Variants in IQCH observed in about 807,000 individuals in gnomAD.
The protein encoded by IQCH is IQ domain-containing protein H.
Under a neutral mutation model 117.0 loss-of-function variants are expected in IQCH, and 98 were observed. The observed-to-expected ratio is 0.84, with a 90% CI of 0.71 to 0.99. The LOEUF (loss-of-function observed/expected upper bound fraction) is 0.99, where lower values mean the gene tolerates loss of function less well. Ranked by LOEUF, IQCH falls within the 50% of genes least tolerant of loss-of-function variation. The probability of loss-of-function intolerance (pLI) is 0.00; values close to 1 mark genes in which losing one functional copy is unlikely to be tolerated. For synonymous variants in IQCH, 412 were observed against 448.2 expected (o/e 0.92, Z 1.02); for missense variants, 1,102 against 1,243.8 (o/e 0.89, Z 1.72).
intron 18 of IQCH, among the ~76,000 whole-genome samples, chr15:67,477,746 C>T (rs1483991890): frequency 6.6e-6 from 1 of 152,096 alleles, no homozygotes; most frequent in African/African-American, 2.4e-5. Flanking sequence ...TCTAAAATAT[C>T]AAAGTAGAAC....
chr15:67,339,516 AG>A (rs1969046485), intron 5 of IQCH, among the ~76,000 whole-genome samples: 2 of 152,200 alleles, frequency 1.3e-5, no homozygotes, highest in African/African-American at 4.8e-5. Context: ...TCATGTCTAT[AG>A]ATAAGAATTA....
At position 67,423,587 on chromosome 15, in the gene IQCH, CAAAAAA is replaced by C. The variant is rs551556730; in HGVS notation, c.2505+2021_2505+2026del. ...TGGGTGACAGAGTGAGAACCTGTCT[CAAAAAA>C]AAAAAAAAAAGAAAGAAAAGAAAAA... On this transcript the variant is annotated intron_variant, in intron 16 of 20. Transcript: ENST00000335894. 5.2e-5 allele frequency among the ~76,000 whole-genome samples: 4 copies of C among 76,764 alleles called. No homozygotes were observed. The South Asian group carries it at 1.6e-3, about 30-fold the overall frequency. 50.4% of individuals were successfully genotyped at this position (76,764 alleles called of 152,430 possible).
At chr15:67,278,325 G>C (rs775250726) in intron 3 of IQCH, among the ~76,000 whole-genome samples, 20 of 152,182 alleles carry the variant, frequency 1.3e-4, no homozygotes, top group Non-Finnish European at 2.6e-4. Context: ...TGGGGCTCTT[G>C]GAGGCAAAAC....
intron 6 of IQCH, among the ~76,000 whole-genome samples, chr15:67,353,864 G>A (rs1969775849): frequency 6.6e-6 from 1 of 152,054 alleles, no homozygotes; most frequent in African/African-American, 2.4e-5. Flanking sequence ...CTAGAAAAAT[G>A]TGAACTACCA....
chr15:67,424,014 C>G lies in IQCH; in HGVS notation c.2505+2437C>G, dbSNP rs2081821128. Among the ~76,000 whole-genome samples the G allele has an allele frequency of 1.3e-5, 2 of 152,150 alleles. No individual in the cohort carries two copies. Among genetic ancestry groups the G allele is most frequent in the South Asian group, 4.1e-4 (2 of 4,824 alleles). ...TATAAGGAAACTTGCACACAGCAGTCAAAAGGATCTTCTCCAAACACGATG... is the reference window on the plus strand; with the variant it reads ...TATAAGGAAACTTGCACACAGCAGTGAAAAGGATCTTCTCCAAACACGATG... On this transcript the variant is annotated intron_variant, in intron 16 of 20. Transcript: ENST00000335894. This position sits in a 1 kb window ranked among gnomAD's most constrained non-coding sequence, Gnocchi z 4.9.
chr15:67,273,389 C>A (rs1224317615), intron 3 of IQCH, among the ~76,000 whole-genome samples: 1 of 152,084 alleles, frequency 6.6e-6, no homozygotes, highest in African/African-American at 2.4e-5. Context: ...ATGCCCAGCC[C>A]ATTGCTTTTT....
rs931008190 is a variant in IQCH, at chr15:67,454,351, C to T, written c.2506-10776C>T. 6.6e-6 allele frequency among the ~76,000 whole-genome samples: 1 copy of T among 152,190 alleles called. No homozygotes were observed. On this transcript the variant is annotated intron_variant, in intron 16 of 20. Coordinates refer to ENST00000335894, the MANE Select transcript of IQCH (RefSeq NM_001031715.3). This position sits in a 1 kb window ranked among gnomAD's most constrained non-coding sequence, Gnocchi z 5.2. ...CTGGGAGCTGTAGACCGGAGCTGTT[C>T]GTATTCGGCCATCTTGGCTCTGGTC...
intron 14 of IQCH, among the ~76,000 whole-genome samples, chr15:67,410,387 CT>C (rs2140891507): frequency 6.6e-6 from 1 of 152,328 alleles, no homozygotes; most frequent in African/African-American, 2.4e-5. Context: ...CTTCTGTATA[CT>C]ACACTCCATT....
chr15:67,261,182 C>G (rs952008527), intron 1 of IQCH, 90 bp from the exon 2 acceptor site: 1 of 851,342 alleles, frequency 1.2e-6, no homozygotes, highest in Non-Finnish European at 1.7e-6. Flanking sequence ...TCTACCAATT[C>G]AAGTACATTG....
chr15:67,314,993 C>T (rs143014578), intron 4 of IQCH, among the ~76,000 whole-genome samples: 1 of 152,228 alleles, frequency 6.6e-6, no homozygotes, highest in East Asian at 1.9e-4. Context: ...CAACTTAGAG[C>T]CCATTAGTCT....
At chr15:67,264,099 C>CAGT (rs1398023455) in intron 3 of IQCH, among the ~76,000 whole-genome samples, 1 of 152,212 alleles carries the variant, frequency 6.6e-6, no homozygotes, top group Admixed American at 6.5e-5. Flanking sequence ...TTTGGGTGTA[C>CAGT]ATTGGACCTG....
intron 16 of IQCH, among the ~76,000 whole-genome samples, chr15:67,452,874 GA>G (rs1472664033): frequency 6.6e-6 from 1 of 152,176 alleles, no homozygotes; most frequent in African/African-American, 2.4e-5. Context: ...ATCAGACGTA[GA>G]TTTGGTCTTT....
rs2082707200 is a variant in IQCH, at chr15:67,458,350, A to G, written c.2506-6777A>G. On this transcript the variant is annotated intron_variant, in intron 16 of 20. Transcript: ENST00000335894. The surrounding 1 kb of genome is among the most constrained non-coding windows in gnomAD (Gnocchi z 4.1). ...TCTCATACTGCACATCCAATCCATC[A>G]ATAAGTCCTTTTAGTTCTACTTTTG... Among the ~76,000 whole-genome samples the G allele has an allele frequency of 6.6e-6, 1 of 152,204 alleles. No homozygotes were observed. Among genetic ancestry groups the G allele is most frequent in the South Asian group, 2.1e-4 (1 of 4,832 alleles).
In IQCH at chr15:67,413,446, T is replaced by C. The variant is rs973571397; in HGVS notation, c.2098-3485T>C. 8 of 152,230 alleles carry C rather than the reference T, an allele frequency of 5.3e-5. No individual in the cohort carries two copies. The highest frequency in any genetic ancestry group is 1.7e-4 in the African/African-American group (7 of 41,552). The allele number at this position is 152,230 out of a possible 1,614,324, so 9.4% of individuals were successfully genotyped here. The stretch of plus-strand genomic sequence containing the variant: ...AACCAGACTGTAAAGGGTTGTTTTG[T>C]TGGGGGGATAAAATAAAATGAAGCT... On this transcript the variant is annotated intron_variant, in intron 14 of 20. Coordinates refer to ENST00000335894, the MANE Select transcript of IQCH (RefSeq NM_001031715.3). This position sits in a 1 kb window ranked among gnomAD's most constrained non-coding sequence, Gnocchi z 5.0.
At position 67,494,697 on chromosome 15, in the gene IQCH, G is replaced by A. The variant is rs1596499088; in HGVS notation, c.2970+331G>A. ...AGAGATCGTCACAACCAAAAATTGC[G>A]AATGTTATCTATCTATATTCCAGAT... is the stretch of plus-strand genomic sequence containing the variant. On this transcript the variant is annotated intron_variant, in intron 20 of 20. Coordinates refer to ENST00000335894, the MANE Select transcript of IQCH (RefSeq NM_001031715.3). The surrounding 1 kb of genome is among the most constrained non-coding windows in gnomAD (Gnocchi z 5.5). 6.6e-6 allele frequency among the ~76,000 whole-genome samples: 1 copy of A among 152,120 alleles called. No homozygotes were observed. Among genetic ancestry groups the A allele is most frequent in the African/African-American group, 2.4e-5 (1 of 41,420 alleles).
At chr15:67,334,927 A>G (rs993123305) in intron 4 of IQCH, among the ~76,000 whole-genome samples, 1 of 152,220 alleles carries the variant, frequency 6.6e-6, no homozygotes, top group Non-Finnish European at 1.5e-5. Context: ...CCAACCAAGC[A>G]TACGCAGAAG....
At chr15:67,324,626 A>AG (rs938207773) in intron 4 of IQCH, among the ~76,000 whole-genome samples, 8 of 151,584 alleles carry the variant, frequency 5.3e-5, no homozygotes, top group Admixed American at 3.9e-4. Flanking sequence ...AAAAAAAAAA[A>AG]AAGAAGTCAA....
chr15:67,372,605 G>A lies in IQCH; in HGVS notation c.1248G>A (p.Lys416=), dbSNP rs1970585789. 2 of 1,613,688 alleles carry A rather than the reference G, an allele frequency of 1.2e-6. No homozygotes were observed. Among genetic ancestry groups the A allele is most frequent in the Non-Finnish European group, 1.7e-6 (2 of 1,179,918 alleles). ...WLLYCHKTRL[K]KILKESRQRH... The stretch of plus-strand genomic sequence containing the variant: ...TATATTGCCATAAGACTCGACTAAA[G>A]AAGATACTAAAGGAATCACGTCAGA... The change falls in exon 9 of 21, where the codon AAG becomes AAA. Residue 416 remains lysine, a synonymous_variant. Coordinates refer to ENST00000335894, the MANE Select transcript of IQCH (RefSeq NM_001031715.3).
At chr15:67,262,589 A>G (rs1453716477) in intron 2 of IQCH, among the ~76,000 whole-genome samples, 1 of 152,212 alleles carries the variant, frequency 6.6e-6, no homozygotes, top group Non-Finnish European at 1.5e-5. Context: ...TCCCTGTAAA[A>G]AAAAGACATT....
Sources: allele counts gnomAD v4.1 joint callset (sites outside exome capture counted in the v4.1 genomes callset), GRCh38; gene constraint gnomAD v4.1.1; non-coding constraint Gnocchi (gnomAD v3.1); transcripts MANE v1.5; gene names NCBI Gene and HGNC (gene_info 2026-07-23, HGNC 2026-07-21).